The following NR1I2 variants were observed in gnomAD, a reference collection of about 807,000 sequenced individuals.
NR1I2 encodes the protein nuclear receptor subfamily 1 group I member 2.
NR1I2 carries 42 observed loss-of-function variants against 43.3 expected under a neutral mutation model. The ratio of observed to expected loss-of-function variants is 0.97; its 90% CI spans 0.76 to 1.26. NR1I2 has a LOEUF of 1.26. NR1I2 is among the 50% of genes most tolerant of loss of function. NR1I2 has a pLI of 0.00. For missense variants in NR1I2, 559 were observed against 566.7 expected (o/e 0.99, Z 0.14); for synonymous variants, 229 against 215.0 (o/e 1.06, Z -0.57).
At chr3:119,788,483 G>A (rs2054875124) in intron 1 of NR1I2, among the ~76,000 whole-genome samples, 1 of 151,866 alleles carries the variant, frequency 6.6e-6, no homozygotes, top group Admixed American at 6.6e-5. Context: ...TCTTGCCCAG[G>A]CTGCAGTGCA....
chr3:119,805,628 G>A (rs1283839844), intron 1 of NR1I2, among the ~76,000 whole-genome samples: 5 of 151,702 alleles, frequency 3.3e-5, no homozygotes, highest in Non-Finnish European at 4.4e-5. Context: ...GCTTGAGCCC[G>A]GGAGGCAGAG....
chr3:119,810,217 G>A (rs1457439166), intron 3 of NR1I2, 23 bp downstream of exon 3: 1 of 1,573,212 alleles, frequency 6.4e-7, no homozygotes, highest in Admixed American at 1.9e-5. Flanking sequence ...CGCGCGGGCG[G>A]GCCGGCGCCG....
chr3:119,815,864 G>A, intron 8 of NR1I2, 33 bp downstream of exon 8: 10 of 1,539,242 alleles, frequency 6.5e-6, no homozygotes, highest in Non-Finnish European at 8.9e-6. Flanking sequence ...ACCCGTGAGG[G>A]TGATGTGAGG....
intron 2 of NR1I2, among the ~76,000 whole-genome samples, chr3:119,809,141 T>C (rs2055199502): frequency 6.6e-6 from 1 of 152,180 alleles, no homozygotes; most frequent in Admixed American, 6.5e-5. Context: ...TTCCCTCAGT[T>C]TCCACTCTGG....
rs73854723 is a variant in NR1I2 at position 119,817,803 on chromosome 3, T to G, written c.*591T>G. ...GAGGCCTGCACCAAATGTCAGAAGCTTGGCATGACCTCATTCCGGCCACAT... is the reference window on the plus strand; with the variant it reads ...GAGGCCTGCACCAAATGTCAGAAGCGTGGCATGACCTCATTCCGGCCACAT... On this transcript the variant is annotated 3_prime_UTR_variant, in exon 9 of 9. Coordinates refer to ENST00000393716, the MANE Select transcript of NR1I2 (RefSeq NM_003889.4). 1,071 of 1,000,930 alleles carry G rather than the reference T, an allele frequency of 1.1e-3. 9 individuals carry two copies. The African/African-American group carries it at 0.017, about 16-fold the overall frequency. The allele number at this position is 1,000,930 out of a possible 1,614,324, so 62.0% of individuals were successfully genotyped here.
chr3:119,815,356 T>C lies in NR1I2; in HGVS notation c.971T>C (p.Leu324Pro). Residue 324 changes from leucine to proline, a missense_variant, in exon 7 of 9, where the codon CTG becomes CCG. Around this residue, in one of 3 missense-constraint regions of NR1I2, gnomAD observed 323 missense variants for 312.2 expected, o/e 1.03. Transcript: ENST00000393716. The stretch of plus-strand genomic sequence containing the variant: ...CAGCAACTTCTACTGGAGCCCATGC[T>C]GAAATTCCACTACATGCTGAAGAAG... 6.2e-7 allele frequency: 1 copy of C among 1,614,010 alleles called. No homozygotes were observed. Among genetic ancestry groups the C allele is most frequent in the Non-Finnish European group, 8.5e-7 (1 of 1,180,000 alleles).
intron 1 of NR1I2, among the ~76,000 whole-genome samples, chr3:119,804,124 C>T (rs1194649767): frequency 6.6e-6 from 1 of 150,996 alleles, no homozygotes. Context: ...GTAATCCCAG[C>T]ACTTTGGGAG....
At chr3:119,784,504 A>C (rs2054818040) in intron 1 of NR1I2, among the ~76,000 whole-genome samples, 1 of 152,136 alleles carries the variant, frequency 6.6e-6, no homozygotes, top group Non-Finnish European at 1.5e-5. Context: ...CATACTTTTT[A>C]GCCAACAGAA....
At chr3:119,783,427 T>C (rs895561127) in intron 1 of NR1I2, among the ~76,000 whole-genome samples, 1 of 151,946 alleles carries the variant, frequency 6.6e-6, no homozygotes, top group Non-Finnish European at 1.5e-5. Flanking sequence ...GTGCCTGCTA[T>C]AGCTGATTCA....
intron 4 of NR1I2, 51 bp from the exon 5 acceptor site, chr3:119,812,635 A>G (rs1244549759): frequency 9.9e-6 from 16 of 1,610,212 alleles, no homozygotes; most frequent in Non-Finnish European, 1.3e-5. Flanking sequence ...GGACCTGTCT[A>G]TGAAAGCACA....
intron 2 of NR1I2, among the ~76,000 whole-genome samples, chr3:119,807,821 A>G (rs182551240): frequency 2.8e-4 from 42 of 152,284 alleles, no homozygotes. Flanking sequence ...CCATGGGAAG[A>G]GAAACAGACC....
chr3:119,797,727 C>A (rs1045499201), intron 1 of NR1I2, among the ~76,000 whole-genome samples: 4 of 152,180 alleles, frequency 2.6e-5, no homozygotes, highest in South Asian at 2.1e-4. Context: ...ATATTCCCTC[C>A]TGAAGTTCCA....
Position 119,812,813 on chromosome 3 carries a change from G to C in NR1I2, c.647G>C (p.Arg216Pro), listed in dbSNP as rs377500972. 1.2e-5 allele frequency: 19 copies of C among 1,614,200 alleles called. No individual in the cohort carries two copies. Among genetic ancestry groups the C allele is most frequent in the South Asian group, 3.3e-5 (3 of 91,082 alleles). ...TCTTTGAAGGTCTCTCTGCAGCTGC[G>C]GGGGGAGGATGGCAGTGTCTGGAAC... Residue 216 changes from arginine to proline, a missense_variant, in exon 5 of 9, where the codon CGG becomes CCG. By Grantham distance (103) the Arg-to-Pro change is moderately radical. This residue lies in a region of NR1I2 where 323 missense variants were observed against 312.2 expected (regional missense o/e 1.03). Coordinates refer to ENST00000393716, the MANE Select transcript of NR1I2 (RefSeq NM_003889.4).
intron 1 of NR1I2, among the ~76,000 whole-genome samples, chr3:119,790,245 T>C (rs183934789): frequency 6.6e-6 from 1 of 152,162 alleles, no homozygotes; most frequent in South Asian, 2.1e-4. Flanking sequence ...AGAATTTCCT[T>C]TTTTTTAAGG....
intron 1 of NR1I2, among the ~76,000 whole-genome samples, chr3:119,796,803 G>A (rs2055006464): frequency 1.3e-5 from 2 of 152,184 alleles, no homozygotes; most frequent in African/African-American, 4.8e-5. Context: ...ATCTGTCTAT[G>A]GCAACAGCCC....
chr3:119,794,748 G>T (rs1228998985), intron 1 of NR1I2, among the ~76,000 whole-genome samples: 1 of 152,084 alleles, frequency 6.6e-6, no homozygotes, highest in Admixed American at 6.5e-5. Context: ...GATTAGCCTG[G>T]CCAACATGGT....
intron 1 of NR1I2, among the ~76,000 whole-genome samples, chr3:119,804,180 G>A (rs977392373): frequency 1.3e-4 from 19 of 150,916 alleles, no homozygotes; most frequent in African/African-American, 4.6e-4. Context: ...GACCATCCTG[G>A]CCAACATGGT....
At chr3:119,797,054 G>A (rs371762999) in intron 1 of NR1I2, among the ~76,000 whole-genome samples, 2 of 152,160 alleles carry the variant, frequency 1.3e-5, no homozygotes, top group African/African-American at 2.4e-5. Flanking sequence ...GGAGGCTGCC[G>A]GCTAGCTGGG....
At chr3:119,816,041 TA>T (rs1226638148) in intron 8 of NR1I2, among the ~76,000 whole-genome samples, 7 of 152,206 alleles carry the variant, frequency 4.6e-5, no homozygotes, top group African/African-American at 1.2e-4. Flanking sequence ...GGGGCTTCTA[TA>T]CCTTCACTGG....
Sources: allele counts gnomAD v4.1 joint callset (sites outside exome capture counted in the v4.1 genomes callset), GRCh38; gene constraint gnomAD v4.1.1; regional missense constraint gnomAD v4.1.1; transcripts MANE v1.5; gene names NCBI Gene and HGNC (gene_info 2026-07-23, HGNC 2026-07-21).